The following NDUFAF7 variants were observed in gnomAD, a reference collection of about 807,000 sequenced individuals.
The protein encoded by NDUFAF7 is protein arginine methyltransferase NDUFAF7, mitochondrial.
In NDUFAF7, 48 loss-of-function variants were observed where a neutral mutation model predicts 47.2. That is an observed-to-expected ratio of 1.02 (90% CI 0.81 to 1.29). The LOEUF (loss-of-function observed/expected upper bound fraction) is 1.29. Among genes scored for constraint, NDUFAF7 ranks in the 50% most tolerant of loss-of-function variants. The pLI is 0.00. For missense variants in NDUFAF7, 635 were observed against 537.6 expected (o/e 1.18, Z -1.79); for synonymous variants, 217 against 190.0 (o/e 1.14, Z -1.17).
In NDUFAF7 at chr2:37,248,186, G is replaced by A. The variant is rs1035306267; in HGVS notation, c.1162G>A (p.Gly388Arg). 9.9e-6 allele frequency: 16 copies of A among 1,613,848 alleles called. No individual in the cohort carries two copies. Among genetic ancestry groups the A allele is most frequent in the African/African-American group, 2.7e-5 (2 of 74,872 alleles). The change falls in exon 10 of 10, where the codon GGA (glycine) becomes AGA (arginine). Residue 388 changes from glycine (G) to arginine (R), a missense_variant. By Grantham distance (125) the Gly-to-Arg change is moderately radical. Transcript: ENST00000002125. ...EPSVRQQLLQ[G>R]YDMLMNPKKM... is the part of the protein sequence containing the mutation. ...ATCAGTGAGGCAGCAGTTACTTCAA[G>A]GATATGATATGTTAATGAATCCAAA...
At chr2:37,242,037 T>C (rs1381763478) in intron 5 of NDUFAF7, 21 of 545,334 alleles carry the variant, frequency 3.9e-5, no homozygotes, top group Non-Finnish European at 6.2e-5. Flanking sequence ...ATCTCCTTTG[T>C]ACTTTTGAGT....
Position 37,243,847 on chromosome 2 carries a change from G to C in NDUFAF7, c.682-16G>C. 6.2e-7 allele frequency: 1 copy of C among 1,610,300 alleles called. No individual in the cohort carries two copies. Among genetic ancestry groups the C allele is most frequent in the Non-Finnish European group, 8.5e-7 (1 of 1,177,022 alleles). Reference sequence around the variant, plus strand: ...AACTTGCAAAAATTTGTTTTTATGTGTTATTTTGTGTTTAGAAAACACCAC... The same window carrying C: ...AACTTGCAAAAATTTGTTTTTATGTCTTATTTTGTGTTTAGAAAACACCAC... On this transcript the variant is annotated splice_polypyrimidine_tract_variant and intron_variant, in intron 6 of 9. Coordinates refer to ENST00000002125, the MANE Select transcript of NDUFAF7 (RefSeq NM_144736.5).
At chr2:37,251,119 A>AT (rs1423287689), downstream of NDUFAF7, 2 of 152,636 alleles carry the variant, frequency 1.3e-5, no homozygotes, top group Non-Finnish European at 2.9e-5. Context: ...GAATTATTCC[A>AT]TTTTGTGTGT....
the NDUFAF7 span, chr2:37,267,572 AACTG>A: frequency 7.0e-6 from 10 of 1,422,974 alleles, no homozygotes; most frequent in Admixed American, 1.7e-5. Context: ...GAATGAAGCA[AACTG>A]ACAGCTTTAT....
At chr2:37,247,211 G>T in intron 8 of NDUFAF7, 1 of 542,888 alleles carries the variant, frequency 1.8e-6, no homozygotes, top group Non-Finnish European at 3.4e-6. Context: ...TGCTGAAAAG[G>T]ACGTGATTTC....
chr2:37,270,820 T>A, the NDUFAF7 span, among the ~76,000 whole-genome samples: 4 of 152,232 alleles, frequency 2.6e-5, no homozygotes, highest in Non-Finnish European at 5.9e-5. Flanking sequence ...GCATATATAA[T>A]AACTGCTAGG....
chr2:37,250,520 A>T (rs1667400809), downstream of NDUFAF7: 1 of 152,184 alleles, frequency 6.6e-6, no homozygotes, highest in Non-Finnish European at 1.5e-5. Context: ...AAAATTATAA[A>T]ATGAGCTTTT....
At chr2:37,259,307 T>C in the NDUFAF7 span, among the ~76,000 whole-genome samples, 22 of 152,328 alleles carry the variant, frequency 1.4e-4, no homozygotes, top group East Asian at 1.7e-3. Flanking sequence ...CCAACCAAGG[T>C]TGATACTTGC....
the NDUFAF7 span, among the ~76,000 whole-genome samples, chr2:37,266,845 T>C: frequency 5.0e-4 from 76 of 152,270 alleles, no homozygotes; most frequent in East Asian, 9.3e-3. Flanking sequence ...CTATATAACG[T>C]ACATTTGCAT....
downstream of NDUFAF7, chr2:37,256,761 C>T: frequency 2.5e-6 from 4 of 1,612,264 alleles, no homozygotes; most frequent in South Asian, 2.2e-5. Flanking sequence ...GGAAATGTGC[C>T]ACTGAGGCTC....
chr2:37,260,238 T>C, the NDUFAF7 span: 1 of 1,610,462 alleles, frequency 6.2e-7, no homozygotes, highest in Non-Finnish European at 8.5e-7. Context: ...TGACCATGAA[T>C]TTAGTAATTC....
intron 4 of NDUFAF7, among the ~76,000 whole-genome samples, chr2:37,239,197 C>T (rs959664820): frequency 4.7e-5 from 7 of 150,382 alleles, no homozygotes; most frequent in Non-Finnish European, 8.8e-5. Flanking sequence ...TGGCTCACTG[C>T]AACCTCTGCC....
At chr2:37,267,603 G>A in the NDUFAF7 span, 2 of 1,162,034 alleles carry the variant, frequency 1.7e-6, no homozygotes, top group Non-Finnish European at 2.5e-6. Flanking sequence ...GTTGTCCACA[G>A]ACTGAAATTT....
At chr2:37,253,269 G>A (rs1423934183), downstream of NDUFAF7, 8 of 1,612,764 alleles carry the variant, frequency 5.0e-6, no homozygotes, top group African/African-American at 2.7e-5. Flanking sequence ...ATTTCCCAGC[G>A]AGCATCATCA....
downstream of NDUFAF7, among the ~76,000 whole-genome samples, chr2:37,249,594 CACACACACAGAG>C (rs1480624343): frequency 1.2e-3 from 121 of 101,780 alleles, no homozygotes; most frequent in South Asian, 3.1e-3. Context: ...CACACACACA[CACACACACAGAG>C]GGGAGATCGC....
At chr2:37,242,169 C>T (rs943603785) in intron 5 of NDUFAF7, 10 of 261,330 alleles carry the variant, frequency 3.8e-5, no homozygotes, top group Admixed American at 1.0e-4. Context: ...TCCTTACTTG[C>T]CTAAAGACAA....
At chr2:37,258,897 T>A in the NDUFAF7 span, among the ~76,000 whole-genome samples, 9 of 152,352 alleles carry the variant, frequency 5.9e-5, no homozygotes, top group East Asian at 1.7e-3. Context: ...AACAGATATT[T>A]GAGCTGATCG....
At chr2:37,236,070 T>G in intron 2 of NDUFAF7, 26 bp from the exon 3 acceptor site, 1 of 1,565,162 alleles carries the variant, frequency 6.4e-7, no homozygotes, top group Non-Finnish European at 8.8e-7. Context: ...ATTAATTTTG[T>G]TTCTCTATTT....
chr2:37,256,628 A>ATTTTT (rs56389006), downstream of NDUFAF7: 43 of 1,202,226 alleles, frequency 3.6e-5, no homozygotes, highest in East Asian at 1.9e-4. Flanking sequence ...CATAGCCAAA[A>ATTTTT]TTTTTTTTTT....
Sources: allele counts gnomAD v4.1 joint callset (sites outside exome capture counted in the v4.1 genomes callset), GRCh38; gene constraint gnomAD v4.1.1; transcripts MANE v1.5; gene names NCBI Gene and HGNC (gene_info 2026-07-23, HGNC 2026-07-21).